TTC7B: variants seen among roughly 807,000 people sequenced by gnomAD.
TTC7B encodes the protein tetratricopeptide repeat domain 7B.
TTC7B carries 28 observed loss-of-function variants against 106.8 expected under a neutral mutation model. The observed-to-expected ratio is 0.26, with a 90% CI of 0.19 to 0.36. The LOEUF is 0.36. Among genes scored for constraint, TTC7B ranks in the 10% least tolerant of loss-of-function variants. The pLI is 1.00. For missense variants in TTC7B, 862 were observed against 1,076.4 expected, an observed-to-expected ratio of 0.80 and a Z score of 2.79; for synonymous variants, 405 against 430.6, an observed-to-expected ratio of 0.94 and a Z score of 0.74.
rs549443975 is a variant in TTC7B, at chr14:90,742,106, T to A, written c.576+2686A>T. Among the ~76,000 whole-genome samples, 1 of 152,188 alleles carries A rather than the reference T, an allele frequency of 6.6e-6. No homozygotes were observed. Among genetic ancestry groups the A allele is most frequent in the Non-Finnish European group, 1.5e-5 (1 of 68,004 alleles). Reference sequence around the variant, plus strand: ...TTTTTTTTTAAGTGCAGTGGTACAATCATAGCTCACTGCAACCTCGAACTT... The same window carrying A: ...TTTTTTTTTAAGTGCAGTGGTACAAACATAGCTCACTGCAACCTCGAACTT... On this transcript the variant is annotated intron_variant, in intron 4 of 19. Transcript: ENST00000328459. The surrounding 1 kb of genome is among the most constrained non-coding windows in gnomAD (Gnocchi z 4.1).
chr14:90,687,817 G>A (rs528967714), intron 7 of TTC7B, among the ~76,000 whole-genome samples: 6 of 152,272 alleles, frequency 3.9e-5, no homozygotes, highest in South Asian at 4.1e-4. Flanking sequence ...ACGATAAGCC[G>A]AGGGAAAAAC....
rs1225836361 is a variant in TTC7B, at chr14:90,525,714, A to G, written c.*15654T>C. The G allele has an allele frequency of 1.3e-5, 2 of 149,142 alleles. No homozygotes were observed. Among genetic ancestry groups the G allele is most frequent in the Non-Finnish European group, 3.0e-5 (2 of 67,400 alleles). The allele number at this position is 149,142 out of a possible 1,614,324, so 9.2% of individuals were successfully genotyped here. On this transcript the variant is annotated 3_prime_UTR_variant, in exon 20 of 20. Coordinates refer to ENST00000328459, the MANE Select transcript of TTC7B (RefSeq NM_001010854.2). ...CTACCTCGCCCAACCCAGTTGACTA[A>G]TATTTGGGTCGGTGGAGCCCGAATA...
chr14:90,703,317 G>A (rs1460111367), intron 5 of TTC7B, among the ~76,000 whole-genome samples: 7 of 152,184 alleles, frequency 4.6e-5, no homozygotes, highest in Non-Finnish European at 8.8e-5. Context: ...GAGTGGCAAA[G>A]TCACATAGGA....
chr14:90,615,107 G>A (rs1048075713), intron 16 of TTC7B, among the ~76,000 whole-genome samples: 3 of 152,216 alleles, frequency 2.0e-5, no homozygotes, highest in South Asian at 4.1e-4. Flanking sequence ...AGCAAGAGAC[G>A]CATCTCCAAC....
Position 90,780,801 on chromosome 14 carries a change from G to A in TTC7B, c.382C>T (p.Leu128=). The A allele has an allele frequency of 6.2e-7, 1 of 1,614,278 alleles. No individual in the cohort carries two copies. Among genetic ancestry groups the A allele is most frequent in the Non-Finnish European group, 8.5e-7 (1 of 1,180,048 alleles). Residue 128 remains leucine (L), a synonymous_variant, in exon 3 of 20, where the codon CTG becomes TTG. Coordinates refer to ENST00000328459, the MANE Select transcript of TTC7B (RefSeq NM_001010854.2). Reference sequence around the variant, plus strand: ...TAGGGCGGGACAGCTGTCAGTGGCAGATCGTCCAGGCCCACCCGGGCGTAA... The same window carrying A: ...TAGGGCGGGACAGCTGTCAGTGGCAAATCGTCCAGGCCCACCCGGGCGTAA... ...NIYARVGLDD[L]PLTAVPPYRL...
At chr14:90,616,271 A>G (rs1893070316) in intron 16 of TTC7B, among the ~76,000 whole-genome samples, 1 of 152,116 alleles carries the variant, frequency 6.6e-6, no homozygotes, top group Admixed American at 6.5e-5. Flanking sequence ...AATCCTGAAG[A>G]TTTCATAGGC....
chr14:90,799,774 A>C (rs1415702151), intron 1 of TTC7B, among the ~76,000 whole-genome samples: 14 of 152,156 alleles, frequency 9.2e-5, no homozygotes, highest in Admixed American at 6.5e-4. Context: ...TGTGAAGTGC[A>C]ATTGGGAGTC....
intron 2 of TTC7B, among the ~76,000 whole-genome samples, chr14:90,783,263 C>A (rs568837939): frequency 1.3e-5 from 2 of 152,360 alleles, no homozygotes; most frequent in Admixed American, 6.5e-5. Context: ...TGGCTCTGGT[C>A]TTCCCAGCCT....
At chr14:90,582,901 T>C (rs928794458) in intron 18 of TTC7B, among the ~76,000 whole-genome samples, 2 of 152,148 alleles carry the variant, frequency 1.3e-5, no homozygotes, top group East Asian at 3.8e-4. Flanking sequence ...GAGATGGAGT[T>C]GGAGATAAAA....
chr14:90,790,501 A>G (rs72695532), intron 1 of TTC7B, among the ~76,000 whole-genome samples: 8,804 of 152,140 alleles, frequency 0.058, 298 homozygotes, highest in Non-Finnish European at 0.068. Context: ...CTTTGGCCCA[A>G]TGATTTAACT....
intron 5 of TTC7B, among the ~76,000 whole-genome samples, chr14:90,706,199 T>C (rs1049254914): frequency 2.0e-5 from 3 of 150,322 alleles, no homozygotes; most frequent in Non-Finnish European, 2.9e-5. Context: ...AGTCTCGCTC[T>C]GTTGCCCAGG....
At position 90,575,379 on chromosome 14, in the gene TTC7B, C is replaced by G. The variant is rs1891218882; in HGVS notation, c.2310+2727G>C. On this transcript the variant is annotated intron_variant, in intron 19 of 19. Coordinates refer to ENST00000328459, the MANE Select transcript of TTC7B (RefSeq NM_001010854.2). The surrounding 1 kb of genome is among the most constrained non-coding windows in gnomAD (Gnocchi z 5.2). The stretch of plus-strand genomic sequence containing the variant: ...AGCTGTGATTCTAACCCAGGCCAGC[C>G]TGGCTCCAGGGCCTCCTCCTGGGCC... 6.6e-6 allele frequency among the ~76,000 whole-genome samples: 1 copy of G among 152,256 alleles called. No individual in the cohort carries two copies. The highest frequency in any genetic ancestry group is 6.5e-5 in the Admixed American group (1 of 15,294).
chr14:90,767,233 G>A (rs1890720101), intron 3 of TTC7B, among the ~76,000 whole-genome samples: 1 of 151,948 alleles, frequency 6.6e-6, no homozygotes, highest in Admixed American at 6.6e-5. Flanking sequence ...AAAAATAGAA[G>A]TGAAATTCTA....
At chr14:90,721,593 T>G (rs1888901073) in intron 5 of TTC7B, among the ~76,000 whole-genome samples, 4 of 152,172 alleles carry the variant, frequency 2.6e-5, no homozygotes, top group Admixed American at 2.6e-4. Context: ...TCCTTAATTT[T>G]CAAGTGTAAT....
intron 7 of TTC7B, among the ~76,000 whole-genome samples, chr14:90,688,830 T>A (rs1422130047): frequency 6.6e-6 from 1 of 151,742 alleles, no homozygotes; most frequent in Non-Finnish European, 1.5e-5. Context: ...AATTTAAAAA[T>A]TTAAAAGAGC....
intron 12 of TTC7B, among the ~76,000 whole-genome samples, chr14:90,653,762 CA>C (rs1212307685): frequency 3.9e-5 from 6 of 152,134 alleles, no homozygotes; most frequent in African/African-American, 1.4e-4. Context: ...CTTAGAACAG[CA>C]GTGACACAGC....
In TTC7B at chr14:90,554,809, T is replaced by C. The variant is rs898376328; in HGVS notation, c.2311-13220A>G. 8.7e-4 allele frequency among the ~76,000 whole-genome samples: 132 copies of C among 152,248 alleles called. 10 individuals carry two copies. The highest frequency in any genetic ancestry group is 2.0e-4 in the Admixed American group (3 of 15,286). Reference sequence around the variant, plus strand: ...AGCTCAGGGTCAGGGTGCTGGTTCATGGCCACACAGCTGAAGAGAAGGAGC... The same window carrying C: ...AGCTCAGGGTCAGGGTGCTGGTTCACGGCCACACAGCTGAAGAGAAGGAGC... On this transcript the variant is annotated intron_variant, in intron 19 of 19. Transcript: ENST00000328459.
intron 19 of TTC7B, among the ~76,000 whole-genome samples, chr14:90,558,716 CCTCTGTTCACA>C (rs1890436140): frequency 6.6e-6 from 1 of 152,240 alleles, no homozygotes; most frequent in Admixed American, 6.5e-5. Flanking sequence ...GCCCTGCCGG[CCTCTGTTCACA>C]CTGCAGGGCG....
At chr14:90,603,136 G>T in intron 17 of TTC7B, 1 of 637,616 alleles carries the variant, frequency 1.6e-6, no homozygotes, top group Non-Finnish European at 2.4e-6. Flanking sequence ...GTGGCAGAGG[G>T]ATGTCCACGT....
Sources: gnomAD v4.1 joint callset for allele counts (sites outside exome capture counted in the v4.1 genomes callset) on GRCh38, gnomAD v4.1.1 for gene constraint, Gnocchi (gnomAD v3.1) non-coding constraint, MANE v1.5 for transcripts, NCBI Gene and HGNC (gene_info 2026-07-23, HGNC 2026-07-21) for gene names.